Variants in DIS3L2 observed in about 807,000 individuals in gnomAD.
DIS3L2 encodes the protein DIS3-like exonuclease 2.
Under a neutral mutation model 97.5 loss-of-function variants are expected in DIS3L2, and 34 were observed. That is an observed-to-expected ratio of 0.35 (90% CI 0.27 to 0.46). The LOEUF (loss-of-function observed/expected upper bound fraction) is 0.46, where lower values mean the gene tolerates loss of function less well. Ranked by LOEUF, DIS3L2 falls within the 20% of genes least tolerant of loss-of-function variation. DIS3L2 has a pLI of 1.00. For synonymous variants in DIS3L2, 435 were observed against 445.2 expected (o/e 0.98, Z 0.29); for missense variants, 1,038 against 1,146.0 (o/e 0.91, Z 1.36).
chr2:232,288,739 T>C (rs1694516392), intron 13 of DIS3L2, among the ~76,000 whole-genome samples: 1 of 152,254 alleles, frequency 6.6e-6, no homozygotes, highest in African/African-American at 2.4e-5. Context: ...TTCCATGAAC[T>C]GAATGCCTAC....
chr2:232,343,104 C>G, intron 13 of DIS3L2: 4 of 499,568 alleles, frequency 8.0e-6, no homozygotes, highest in South Asian at 2.4e-5. Flanking sequence ...CTGCCGCCTA[C>G]CCTGGGGTCT....
At chr2:232,227,988 A>G (rs920838432) in intron 10 of DIS3L2, among the ~76,000 whole-genome samples, 1 of 152,124 alleles carries the variant, frequency 6.6e-6, no homozygotes, top group Non-Finnish European at 1.5e-5. Flanking sequence ...TTTGTTTGAG[A>G]TGGAGTTTTG....
chr2:231,974,780 T>C (rs1195326028), intron 1 of DIS3L2, among the ~76,000 whole-genome samples: 1 of 152,174 alleles, frequency 6.6e-6, no homozygotes. Context: ...TTATAAGTGA[T>C]AAAAGGATGT....
intron 10 of DIS3L2, among the ~76,000 whole-genome samples, chr2:232,238,261 G>A (rs549600787): frequency 3.9e-4 from 60 of 152,296 alleles, no homozygotes; most frequent in African/African-American, 1.4e-3. Flanking sequence ...AAGATAAGAA[G>A]CCTTTAGAAA....
intron 8 of DIS3L2, among the ~76,000 whole-genome samples, chr2:232,161,975 G>A (rs974399632): frequency 6.6e-6 from 1 of 152,080 alleles, no homozygotes; most frequent in African/African-American, 2.4e-5. Flanking sequence ...GTTTCACCAT[G>A]TTGGCCAGGA....
chr2:232,263,699 G>A (rs1472011906), intron 13 of DIS3L2, among the ~76,000 whole-genome samples: 2 of 152,096 alleles, frequency 1.3e-5, no homozygotes, highest in Non-Finnish European at 2.9e-5. Context: ...GCAAAGAGTG[G>A]GTCTGTGTGG....
At chr2:232,306,318 C>G (rs1694984343) in intron 14 of DIS3L2, among the ~76,000 whole-genome samples, 1 of 152,172 alleles carries the variant, frequency 6.6e-6, no homozygotes, top group Non-Finnish European at 1.5e-5. Flanking sequence ...GATCTCAGTT[C>G]CAGTTCCATG....
chr2:232,108,071 T>C (rs960038157), intron 6 of DIS3L2, among the ~76,000 whole-genome samples: 3 of 151,952 alleles, frequency 2.0e-5, no homozygotes, highest in Non-Finnish European at 4.4e-5. Flanking sequence ...CTGGCAGAGT[T>C]AAATCAAAAA....
chr2:232,329,787 C>CCCGGGGCA, intron 14 of DIS3L2, 26 bp from the exon 15 acceptor site: 1 of 1,062,210 alleles, frequency 9.4e-7, no homozygotes, highest in Non-Finnish European at 1.3e-6. Context: ...CCCAGCGGTC[C>CCCGGGGCA]CTCCCATCCC....
At chr2:232,051,987 A>C (rs923651065) in intron 5 of DIS3L2, among the ~76,000 whole-genome samples, 1 of 151,846 alleles carries the variant, frequency 6.6e-6, no homozygotes, top group Non-Finnish European at 1.5e-5. Context: ...TTTCTTCATT[A>C]ATGTTTATAG....
intron 12 of DIS3L2, among the ~76,000 whole-genome samples, chr2:232,251,804 C>A (rs1194764934): frequency 6.6e-6 from 1 of 152,106 alleles, no homozygotes; most frequent in Non-Finnish European, 1.5e-5. Flanking sequence ...ATCTCCATGC[C>A]AAAATTCTGT....
chr2:232,086,686 T>TAC (rs1217713508), intron 5 of DIS3L2, among the ~76,000 whole-genome samples: 2 of 145,236 alleles, frequency 1.4e-5, no homozygotes, highest in African/African-American at 5.1e-5. Flanking sequence ...TGTATATATA[T>TAC]ATTTTTTGAG....
intron 9 of DIS3L2, among the ~76,000 whole-genome samples, chr2:232,168,021 C>G (rs190374958): frequency 2.0e-5 from 3 of 152,182 alleles, no homozygotes; most frequent in Admixed American, 1.3e-4. Context: ...GAACTCCAGC[C>G]TGGGTGACAG....
intron 7 of DIS3L2, among the ~76,000 whole-genome samples, chr2:232,134,155 G>C (rs1380392609): frequency 6.6e-6 from 1 of 152,022 alleles, no homozygotes; most frequent in African/African-American, 2.4e-5. Flanking sequence ...AACAAAGAAA[G>C]TATAGACTGA....
At chr2:232,126,113 C>T (rs185162854) in intron 6 of DIS3L2, among the ~76,000 whole-genome samples, 1 of 152,330 alleles carries the variant, frequency 6.6e-6, no homozygotes, top group Admixed American at 6.5e-5. Context: ...ATTCTAACCT[C>T]AGCTTTCTAA....
rs71056250 is a variant in DIS3L2, at chr2:232,000,613, TTTTCCTTTCCTTTCCTTTCCTTTCC to T, written c.-93-14197_-93-14173del. Among the ~76,000 whole-genome samples the T allele has an allele frequency of 5.3e-3, 567 of 107,346 alleles. 2 individuals are homozygous for T. The highest frequency in any genetic ancestry group is 9.7e-3 in the South Asian group (34 of 3,506). 70.4% of individuals were successfully genotyped at this position (107,346 alleles called of 152,430 possible). ...AGGGATTTCCTTTTCCTTTCCTTTC[TTTTCCTTTCCTTTCCTTTCCTTTCC>T]TTTCCTTTCCTTTCCTTTCCTTTCT... is the stretch of plus-strand genomic sequence containing the variant. On this transcript the variant is annotated intron_variant, in intron 1 of 20. Coordinates refer to ENST00000325385, the MANE Select transcript of DIS3L2 (RefSeq NM_152383.5).
chr2:232,322,754 A>G (rs1286907937), intron 14 of DIS3L2, among the ~76,000 whole-genome samples: 1 of 152,198 alleles, frequency 6.6e-6, no homozygotes, highest in Non-Finnish European at 1.5e-5. Context: ...GAGCGTGTGT[A>G]TGTGCAGGAG....
At chr2:232,099,081 G>A (rs1296065545) in intron 6 of DIS3L2, among the ~76,000 whole-genome samples, 1 of 152,018 alleles carries the variant, frequency 6.6e-6, no homozygotes, top group East Asian at 1.9e-4. Context: ...TTATCGTCTG[G>A]TTTCTCTCTT....
intron 9 of DIS3L2, among the ~76,000 whole-genome samples, chr2:232,165,843 G>A (rs1574919846): frequency 6.6e-6 from 1 of 152,166 alleles, no homozygotes; most frequent in East Asian, 1.9e-4. Context: ...CTTTTTTAAA[G>A]TAACTTGTAT....
Sources: gnomAD v4.1 joint callset for allele counts (sites outside exome capture counted in the v4.1 genomes callset) on GRCh38, gnomAD v4.1.1 for gene constraint, MANE v1.5 for transcripts, NCBI Gene and HGNC (gene_info 2026-07-23, HGNC 2026-07-21) for gene names.